ANKRD12: variants seen among roughly 807,000 people sequenced by gnomAD.
ANKRD12 encodes ankyrin repeat domain-containing protein 12.
In ANKRD12, 85 loss-of-function variants were observed where a neutral mutation model predicts 183.4. The ratio of observed to expected loss-of-function variants is 0.46; its 90% CI spans 0.39 to 0.56. ANKRD12 has a LOEUF of 0.56. Among genes scored for constraint, ANKRD12 ranks in the 20% least tolerant of loss-of-function variants. The probability of loss-of-function intolerance (pLI) is 0.00; values close to 1 mark genes in which losing one functional copy is unlikely to be tolerated. For synonymous variants in ANKRD12, 914 were observed against 800.2 expected (o/e 1.14, Z -2.40); for missense variants, 2,405 against 2,357.1 (o/e 1.02, Z -0.42).
Position 9,279,616 on chromosome 18 carries a change from A to T in ANKRD12, c.5975A>T (p.Asp1992Val). 1 of 1,602,406 alleles carries T rather than the reference A, an allele frequency of 6.2e-7. No individual in the cohort carries two copies. Among genetic ancestry groups the T allele is most frequent in the Non-Finnish European group, 8.5e-7 (1 of 1,175,312 alleles). ...NARQFMSWLQDVDDKFDKLKT... is the reference protein window; with the variant it reads ...NARQFMSWLQVVDDKFDKLKT... The stretch of plus-strand genomic sequence containing the variant: ...AGACAATTCATGTCTTGGTTACAAG[A>T]TGTGGATGATAAATTTGACAAATTA... Residue 1992 changes from aspartate to valine, a missense_variant, in exon 12 of 13, where the codon GAT (aspartate) becomes GTT (valine). Asp to Val is a radical substitution (Grantham distance 152). Coordinates refer to ENST00000262126, the MANE Select transcript of ANKRD12 (RefSeq NM_015208.5).
At chr18:9,246,566 A>G (rs1275588829) in intron 8 of ANKRD12, among the ~76,000 whole-genome samples, 1 of 152,210 alleles carries the variant, frequency 6.6e-6, no homozygotes, top group Non-Finnish European at 1.5e-5. Flanking sequence ...AATAAGTGAA[A>G]TAAGTGCCCG....
At chr18:9,141,677 C>T (rs989939847) in intron 1 of ANKRD12, among the ~76,000 whole-genome samples, 1 of 152,086 alleles carries the variant, frequency 6.6e-6, no homozygotes, top group Non-Finnish European at 1.5e-5. Context: ...AAAATTGTGT[C>T]ATCTTTGGCC....
chr18:9,140,802 G>A (rs1157597347), intron 1 of ANKRD12, among the ~76,000 whole-genome samples: 2 of 151,982 alleles, frequency 1.3e-5, no homozygotes, highest in African/African-American at 2.4e-5. Flanking sequence ...ATAGATTATC[G>A]GAGTTTTTAT....
intron 8 of ANKRD12, chr18:9,239,421 A>T: frequency 1.2e-6 from 1 of 834,352 alleles, no homozygotes; most frequent in Non-Finnish European, 1.7e-6. Context: ...AACCTTTTTG[A>T]TTTTCACTGA....
intron 1 of ANKRD12, among the ~76,000 whole-genome samples, chr18:9,156,152 A>AAAG (rs1555707203): frequency 2.7e-5 from 4 of 148,812 alleles, no homozygotes; most frequent in South Asian, 2.1e-4. Flanking sequence ...AAAAAAAAAA[A>AAAG]AAAGAAAAAG....
chr18:9,171,218 C>T (rs887337705), intron 1 of ANKRD12, among the ~76,000 whole-genome samples: 1 of 152,196 alleles, frequency 6.6e-6, no homozygotes, highest in East Asian at 1.9e-4. Context: ...AGAACCACTA[C>T]TGTCTTCAAA....
intron 6 of ANKRD12, among the ~76,000 whole-genome samples, chr18:9,216,286 AGAT>A (rs1256244111): frequency 6.6e-6 from 1 of 152,234 alleles, no homozygotes; most frequent in Admixed American, 6.5e-5. Context: ...CTCACCGTGA[AGAT>A]GATGATGACC....
At chr18:9,150,195 T>G (rs1285745320) in intron 1 of ANKRD12, among the ~76,000 whole-genome samples, 2 of 152,200 alleles carry the variant, frequency 1.3e-5, no homozygotes, top group African/African-American at 4.8e-5. Flanking sequence ...AATCCTTTGT[T>G]TACTGGATTG....
chr18:9,173,626 G>C lies in ANKRD12; in HGVS notation c.-51-8756G>C, dbSNP rs865938197. On this transcript the variant is annotated intron_variant, in intron 1 of 12. Coordinates refer to ENST00000262126, the MANE Select transcript of ANKRD12 (RefSeq NM_015208.5). The stretch of plus-strand genomic sequence containing the variant: ...ATCCCGGTGGGGTGGTGGGGGGGGG[G>C]TAGGGGGGGCAGTACTGACCTGTTG... Among the ~76,000 whole-genome samples, 323 of 120,828 alleles carry C rather than the reference G, an allele frequency of 2.7e-3. 11 individuals are homozygous for C. Among genetic ancestry groups the C allele is most frequent in the African/African-American group, 9.4e-3 (303 of 32,092 alleles). 79.3% of individuals were successfully genotyped at this position (120,828 alleles called of 152,430 possible). A position where few individuals can be genotyped will look rare whatever the true frequency, so the allele number is the denominator to read the frequency against.
chr18:9,256,285 T>A lies in ANKRD12; in HGVS notation c.3018T>A (p.Asp1006Glu). The change falls in exon 9 of 13, where the codon GAT becomes GAA. Residue 1006 changes from aspartate (D) to glutamate (E), a missense_variant. By Grantham distance (45) the Asp-to-Glu change is conservative (BLOSUM62 2). This residue lies in a region of ANKRD12 where 1,983 missense variants were observed against 1,725.9 expected (regional missense o/e 1.15). Transcript: ENST00000262126. ...KPLSLKEKTK[D>E]EPLKTPDGKE... ...TATCCCTTAAAGAAAAAACAAAAGA[T>A]GAACCTTTGAAAACTCCAGATGGAA... The A allele has an allele frequency of 6.2e-7, 1 of 1,604,760 alleles. No individual in the cohort carries two copies. The highest frequency in any genetic ancestry group is 8.5e-7 in the Non-Finnish European group (1 of 1,177,072).
At chr18:9,216,732 A>C in intron 6 of ANKRD12, 26 bp from the exon 7 acceptor site, 1 of 1,607,696 alleles carries the variant, frequency 6.2e-7, no homozygotes, top group Admixed American at 1.7e-5. Flanking sequence ...CAAGTGAATC[A>C]TGTTAAATTA....
intron 2 of ANKRD12, among the ~76,000 whole-genome samples, chr18:9,191,798 C>A (rs1231540436): frequency 3.3e-5 from 5 of 152,134 alleles, no homozygotes; most frequent in Non-Finnish European, 7.3e-5. Flanking sequence ...ACATCCAAAC[C>A]CCCAACTTTG....
intron 1 of ANKRD12, among the ~76,000 whole-genome samples, chr18:9,139,905 G>T (rs1273733785): frequency 6.6e-6 from 1 of 152,164 alleles, no homozygotes; most frequent in Non-Finnish European, 1.5e-5. Context: ...CTAGTCTGTG[G>T]TTTGGCCGAG....
chr18:9,146,231 C>T (rs1469506761), intron 1 of ANKRD12, among the ~76,000 whole-genome samples: 2 of 152,176 alleles, frequency 1.3e-5, no homozygotes, highest in Non-Finnish European at 2.9e-5. Flanking sequence ...GATTCAAAAA[C>T]ATTTGTGTGG....
chr18:9,184,097 C>T (rs974715436), intron 2 of ANKRD12, among the ~76,000 whole-genome samples: 1 of 152,076 alleles, frequency 6.6e-6, no homozygotes, highest in African/African-American at 2.4e-5. Context: ...CATTTTCTTC[C>T]TTTGTGTTAT....
intron 11 of ANKRD12, among the ~76,000 whole-genome samples, chr18:9,277,704 T>C (rs2039919879): frequency 1.3e-5 from 2 of 150,790 alleles, no homozygotes; most frequent in East Asian, 3.9e-4. Flanking sequence ...GAGCTGGAAA[T>C]TGAGGTGGGA....
In ANKRD12 at chr18:9,208,910, G is replaced by A. The variant is rs1375893663; in HGVS notation, c.451+107G>A. The A allele has an allele frequency of 4.5e-6, 5 of 1,123,030 alleles. No individual in the cohort carries two copies. The African/African-American group carries it at 6.4e-5, about 14-fold the overall frequency. 69.6% of individuals were successfully genotyped at this position (1,123,030 alleles called of 1,614,324 possible). Reference sequence around the variant, plus strand: ...CTACTTTTAATTTTTATTCTTTCTTGGATTTAATCAGAATTACTTGTAAGT... The same window carrying A: ...CTACTTTTAATTTTTATTCTTTCTTAGATTTAATCAGAATTACTTGTAAGT... On this transcript the variant is annotated intron_variant, in intron 5 of 12. Coordinates refer to ENST00000262126, the MANE Select transcript of ANKRD12 (RefSeq NM_015208.5).
chr18:9,147,875 T>TAA (rs1186942751), intron 1 of ANKRD12, among the ~76,000 whole-genome samples: 1 of 152,198 alleles, frequency 6.6e-6, no homozygotes, highest in African/African-American at 2.4e-5. Context: ...TCACTGTACT[T>TAA]ACTCTGTGAA....
At chr18:9,199,440 T>A (rs2035040792) in intron 3 of ANKRD12, among the ~76,000 whole-genome samples, 1 of 152,152 alleles carries the variant, frequency 6.6e-6, no homozygotes, top group African/African-American at 2.4e-5. Flanking sequence ...AGACTAAGAC[T>A]TTTTTCACTG....
Sources: allele counts gnomAD v4.1 joint callset (sites outside exome capture counted in the v4.1 genomes callset), GRCh38; gene constraint gnomAD v4.1.1; regional missense constraint gnomAD v4.1.1; transcripts MANE v1.5; gene names NCBI Gene and HGNC (gene_info 2026-07-23, HGNC 2026-07-21).